Variants in ANKFN1 observed in about 807,000 individuals in gnomAD.
ANKFN1 encodes ankyrin repeat and fibronectin type III domain containing 1.
A neutral mutation model predicts 108.7 loss-of-function variants in ANKFN1; 74 were observed. That is an observed-to-expected ratio of 0.68 (90% confidence interval 0.56 to 0.83). The LOEUF (loss-of-function observed/expected upper bound fraction) is 0.83, where lower values mean the gene tolerates loss of function less well. ANKFN1 is among the 40% of genes least tolerant of loss of function. ANKFN1 has a pLI of 0.00. For synonymous variants in ANKFN1, 547 were observed against 516.2 expected, an observed-to-expected ratio of 1.06 and a Z score of -0.81; for missense variants, 1,505 against 1,382.3, an observed-to-expected ratio of 1.09 and a Z score of -1.41.
intron 3 of ANKFN1, among the ~76,000 whole-genome samples, chr17:56,290,906 ATGAGCACC>A (rs1203337110): frequency 6.6e-6 from 1 of 152,134 alleles, no homozygotes; most frequent in Non-Finnish European, 1.5e-5. Context: ...ACAAGCTTTC[ATGAGCACC>A]TGTCTCCAGC....
intron 3 of ANKFN1, among the ~76,000 whole-genome samples, chr17:56,317,301 C>T (rs1446239380): frequency 1.3e-5 from 2 of 152,292 alleles, no homozygotes; most frequent in East Asian, 3.9e-4. Flanking sequence ...TGTCCAGAAA[C>T]ATTGCAAATC....
At chr17:56,363,272 T>A (rs556057248) in intron 6 of ANKFN1, among the ~76,000 whole-genome samples, 2 of 152,158 alleles carry the variant, frequency 1.3e-5, no homozygotes, top group South Asian at 4.2e-4. Context: ...ATAGGGTTTC[T>A]TAAAAGAAGA....
chr17:56,425,227 C>T (rs1198568212), intron 8 of ANKFN1, among the ~76,000 whole-genome samples: 2 of 151,676 alleles, frequency 1.3e-5, no homozygotes, highest in Admixed American at 1.3e-4. Flanking sequence ...AGAAATTTGG[C>T]TCACAGATGC....
rs573419060 is a variant in ANKFN1, at chr17:56,342,157, C to A, written c.189-8609C>A. On this transcript the variant is annotated intron_variant, in intron 4 of 20. Coordinates refer to ENST00000682825, the MANE Select transcript of ANKFN1 (RefSeq NM_001370326.1). ...CTGTGGAGTCAGTGGTAATATCCCC[C>A]TTATAATTTCTGATGTGTTTATTTG... Among the ~76,000 whole-genome samples, 26 of 150,670 alleles carry A rather than the reference C, an allele frequency of 1.7e-4. 1 individual carries two copies. The South Asian group carries it at 5.2e-3, about 30-fold the overall frequency.
chr17:56,264,459 C>A (rs979223314), intron 3 of ANKFN1, among the ~76,000 whole-genome samples: 2 of 152,198 alleles, frequency 1.3e-5, no homozygotes, highest in African/African-American at 2.4e-5. Context: ...TTTTCAAGAG[C>A]TCATTAAGAC....
intron 6 of ANKFN1, among the ~76,000 whole-genome samples, chr17:56,368,888 T>C (rs1236465063): frequency 6.6e-6 from 1 of 152,220 alleles, no homozygotes; most frequent in African/African-American, 2.4e-5. Flanking sequence ...TGTCGCCAAC[T>C]GAAGTGGCTA....
intron 6 of ANKFN1, among the ~76,000 whole-genome samples, chr17:56,364,159 T>A (rs1026410082): frequency 7.2e-5 from 11 of 152,300 alleles, no homozygotes; most frequent in African/African-American, 2.6e-4. Context: ...TATTCCACAT[T>A]GTATTCACAA....
At chr17:56,069,276 G>C (rs1905094667) in intron 4 of ANKFN1, among the ~76,000 whole-genome samples, 1 of 152,186 alleles carries the variant, frequency 6.6e-6, no homozygotes, top group African/African-American at 2.4e-5. Flanking sequence ...AGAAGAGAGA[G>C]ACCAGAGGGT....
At chr17:56,394,200 G>A (rs905030810) in intron 8 of ANKFN1, among the ~76,000 whole-genome samples, 1 of 152,160 alleles carries the variant, frequency 6.6e-6, no homozygotes, top group Non-Finnish European at 1.5e-5. Context: ...TCTTTTGTAA[G>A]TACTGTGGTT....
At chr17:56,356,290 C>T (rs1446651604) in intron 6 of ANKFN1, among the ~76,000 whole-genome samples, 1 of 152,084 alleles carries the variant, frequency 6.6e-6, no homozygotes, top group East Asian at 1.9e-4. Context: ...ACTCTCTGAC[C>T]CATTGACCAC....
intron 4 of ANKFN1, among the ~76,000 whole-genome samples, chr17:56,135,676 A>G (rs1356502356): frequency 3.9e-5 from 6 of 152,196 alleles, no homozygotes; most frequent in Non-Finnish European, 7.3e-5. Context: ...TGATGTACAG[A>G]TTAGAGCTTT....
intron 4 of ANKFN1, among the ~76,000 whole-genome samples, chr17:56,141,923 C>CTTTTTTTTTTTTTTTT (rs34394014): frequency 1.0e-5 from 1 of 95,654 alleles, no homozygotes; most frequent in Non-Finnish European, 1.9e-5. Flanking sequence ...CGATGGTGTA[C>CTTTTTTTTTTTTTTTT]TTTTTTTTTT....
At chr17:56,139,499 G>A (rs1409018526) in intron 4 of ANKFN1, among the ~76,000 whole-genome samples, 1 of 152,056 alleles carries the variant, frequency 6.6e-6, no homozygotes, top group Non-Finnish European at 1.5e-5. Context: ...TGCCAAATTT[G>A]TTTTTACCGG....
At chr17:56,105,711 C>CTGTATGTG (rs1555594332) in intron 4 of ANKFN1, among the ~76,000 whole-genome samples, 3 of 144,544 alleles carry the variant, frequency 2.1e-5, no homozygotes, top group Admixed American at 6.9e-5. Context: ...GTTTTTTTGT[C>CTGTATGTG]TGTGTGTGTG....
chr17:56,112,334 G>C (rs899306821), intron 4 of ANKFN1, among the ~76,000 whole-genome samples: 2 of 151,938 alleles, frequency 1.3e-5, no homozygotes, highest in Non-Finnish European at 2.9e-5. Context: ...CTGATTTACT[G>C]TTTATGAGTC....
chr17:56,361,333 C>T (rs932818744), intron 6 of ANKFN1, among the ~76,000 whole-genome samples: 1 of 152,090 alleles, frequency 6.6e-6, no homozygotes, highest in Non-Finnish European at 1.5e-5. Flanking sequence ...AAAATATATC[C>T]ATTGTTATCA....
intron 3 of ANKFN1, among the ~76,000 whole-genome samples, chr17:56,283,786 C>T (rs1219883337): frequency 1.3e-5 from 2 of 151,814 alleles, no homozygotes; most frequent in East Asian, 3.9e-4. Context: ...AATTGGGTTC[C>T]GTGTACACTG....
At chr17:56,071,960 C>T (rs1318167634) in intron 4 of ANKFN1, among the ~76,000 whole-genome samples, 2 of 152,222 alleles carry the variant, frequency 1.3e-5, no homozygotes, top group African/African-American at 4.8e-5. Context: ...CCTCCGGGCA[C>T]AGCAAGAGAC....
chr17:56,170,631 C>T (rs933608403), intron 1 of ANKFN1, among the ~76,000 whole-genome samples: 9 of 150,802 alleles, frequency 6.0e-5, no homozygotes, highest in South Asian at 4.2e-4. Flanking sequence ...TGCATGGTGG[C>T]GCGTGCCCAT....
Sources: gnomAD v4.1 joint callset for allele counts (sites outside exome capture counted in the v4.1 genomes callset) on GRCh38, gnomAD v4.1.1 for gene constraint, MANE v1.5 for transcripts, NCBI Gene and HGNC (gene_info 2026-07-23, HGNC 2026-07-21) for gene names.